The following DNAH14 variants were observed in gnomAD, a reference collection of about 807,000 sequenced individuals.
The protein encoded by DNAH14 is dynein axonemal heavy chain 14.
A neutral mutation model predicts 520.9 loss-of-function variants in DNAH14; 478 were observed. The observed-to-expected ratio is 0.92, with a 90% confidence interval of 0.85 to 0.99. The LOEUF (loss-of-function observed/expected upper bound fraction) is 0.99. Ranked by LOEUF, DNAH14 falls within the 50% of genes least tolerant of loss-of-function variation. The pLI is 0.00. For missense variants in DNAH14, 4,831 were observed against 5,234.5 expected, an observed-to-expected ratio of 0.92 and a Z score of 2.38; for synonymous variants, 1,581 against 1,757.2, an observed-to-expected ratio of 0.90 and a Z score of 2.51.
At chr1:225,198,007 A>G (rs2086370422) in intron 38 of DNAH14, among the ~76,000 whole-genome samples, 1 of 151,976 alleles carries the variant, frequency 6.6e-6, no homozygotes, top group Admixed American at 6.6e-5. Context: ...CTTCCTCTTT[A>G]TTGATTTGGA....
chr1:224,933,377 G>T (rs947843250), intron 1 of DNAH14, among the ~76,000 whole-genome samples: 3 of 152,006 alleles, frequency 2.0e-5, no homozygotes, highest in African/African-American at 7.2e-5. Flanking sequence ...AACAGAGAGG[G>T]ACCATTTGAT....
chr1:225,250,757 TA>T, intron 43 of DNAH14: 1 of 483,858 alleles, frequency 2.1e-6, no homozygotes, highest in Non-Finnish European at 3.8e-6. Flanking sequence ...CAAAGCAGTG[TA>T]AATGGGCTTG....
At chr1:225,297,452 C>T (rs1481924709) in intron 55 of DNAH14, among the ~76,000 whole-genome samples, 1 of 151,462 alleles carries the variant, frequency 6.6e-6, no homozygotes, top group East Asian at 1.9e-4. Flanking sequence ...TTGATGTGTC[C>T]CTTCATTGAT....
At chr1:225,052,432 C>G (rs560013568) in intron 17 of DNAH14, among the ~76,000 whole-genome samples, 1 of 152,244 alleles carries the variant, frequency 6.6e-6, no homozygotes, top group African/African-American at 2.4e-5. Flanking sequence ...ACACAAGCAC[C>G]CTCAGTTGTA....
chr1:225,061,241 T>C (rs909151453), intron 17 of DNAH14, among the ~76,000 whole-genome samples: 2 of 152,196 alleles, frequency 1.3e-5, no homozygotes, highest in Admixed American at 6.5e-5. Flanking sequence ...GCCTCACTGC[T>C]GCCTTGCAGT....
Position 225,367,860 on chromosome 1 carries a change from G to T in DNAH14, c.12146G>T (p.Cys4049Phe). ...AGTAACTTACTTCAGACATTTGGAT[G>T]TACTGGGAGTGGAGAGGTAACAGAA... ...LKSNLLQTFG[C>F]TGSGEVTEEI... The change falls in exon 77 of 86, where the codon TGT (cysteine) becomes TTT (phenylalanine). Residue 4049 changes from cysteine (C) to phenylalanine (F), a missense_variant. Transcript: ENST00000682510. 1 of 1,551,574 alleles carries T rather than the reference G, an allele frequency of 6.4e-7. No individual in the cohort carries two copies. The highest frequency in any genetic ancestry group is 2.0e-5 in the Admixed American group (1 of 51,006).
At chr1:225,242,861 G>A (rs371036712) in intron 43 of DNAH14, among the ~76,000 whole-genome samples, 7 of 152,206 alleles carry the variant, frequency 4.6e-5, no homozygotes, top group African/African-American at 1.4e-4. Context: ...ACGATGTTAC[G>A]ATGACTATGA....
chr1:225,348,209 G>A (rs2095315077), intron 71 of DNAH14, among the ~76,000 whole-genome samples: 2 of 151,920 alleles, frequency 1.3e-5, no homozygotes, highest in South Asian at 4.2e-4. Context: ...AAAAAGCAAA[G>A]AGATCCTAAG....
intron 30 of DNAH14, 40 bp from the exon 31 acceptor site, chr1:225,147,064 A>T (rs1367951790): frequency 1.4e-6 from 2 of 1,433,258 alleles, no homozygotes; most frequent in Non-Finnish European, 9.4e-7. Flanking sequence ...TCTCACCATT[A>T]TAATAATTTT....
intron 60 of DNAH14, among the ~76,000 whole-genome samples, chr1:225,315,903 A>T (rs1166751575): frequency 6.6e-6 from 1 of 152,206 alleles, no homozygotes. Context: ...AGGCATGCAG[A>T]TCAGGGACCC....
At chr1:225,381,269 A>AATTACCTT in intron 80 of DNAH14, 114 bp from the exon 81 acceptor site, 1 of 1,047,400 alleles carries the variant, frequency 9.5e-7, no homozygotes, top group East Asian at 2.6e-5. Context: ...AATGTTTATC[A>AATTACCTT]ACCCCTGGTC....
At chr1:225,393,475 T>C (rs141427732) in intron 84 of DNAH14, among the ~76,000 whole-genome samples, 6 of 152,210 alleles carry the variant, frequency 3.9e-5, no homozygotes, top group Admixed American at 1.3e-4. Context: ...CCCAAACACA[T>C]CTATACATAG....
intron 3 of DNAH14, among the ~76,000 whole-genome samples, chr1:224,955,953 A>C (rs2060483956): frequency 6.6e-6 from 1 of 152,054 alleles, no homozygotes; most frequent in African/African-American, 2.4e-5. Flanking sequence ...TACCTCCTTC[A>C]TTCTACCGAT....
At chr1:225,343,110 G>A (rs2095226456) in intron 69 of DNAH14, among the ~76,000 whole-genome samples, 1 of 152,198 alleles carries the variant, frequency 6.6e-6, no homozygotes, top group Admixed American at 6.5e-5. Context: ...GGTCCCCACT[G>A]TTAGACATTT....
At chr1:225,393,659 T>G (rs2150874488) in intron 84 of DNAH14, among the ~76,000 whole-genome samples, 1 of 152,332 alleles carries the variant, frequency 6.6e-6, no homozygotes, top group East Asian at 1.9e-4. Flanking sequence ...TTAGTTTTGG[T>G]GTAGATACTG....
chr1:225,012,878 T>G (rs1284891539), intron 10 of DNAH14, among the ~76,000 whole-genome samples: 1 of 152,180 alleles, frequency 6.6e-6, no homozygotes, highest in African/African-American at 2.4e-5. Context: ...TTTATCAAGG[T>G]TCTTACCTTC....
chr1:225,156,709 CTTTTTTTTTTTTT>C (rs71170061), intron 34 of DNAH14, among the ~76,000 whole-genome samples: 1 of 68,164 alleles, frequency 1.5e-5, no homozygotes, highest in African/African-American at 7.5e-5. Context: ...TCTTAAAATT[CTTTTTTTTTTTTT>C]TTTTTTTTTT....
intron 10 of DNAH14, among the ~76,000 whole-genome samples, chr1:225,020,422 G>C (rs1439983997): frequency 6.8e-6 from 1 of 147,620 alleles, no homozygotes; most frequent in East Asian, 2.1e-4. Flanking sequence ...ACTTGAATCT[G>C]GGAGGCGGAG....
chr1:225,212,212 A>T (rs1422031736), intron 41 of DNAH14, among the ~76,000 whole-genome samples: 1 of 151,802 alleles, frequency 6.6e-6, no homozygotes, highest in Admixed American at 6.6e-5. Flanking sequence ...AGCTTCATCC[A>T]TGTCCCTACA....
Sources: gnomAD v4.1 joint callset for allele counts (sites outside exome capture counted in the v4.1 genomes callset) on GRCh38, gnomAD v4.1.1 for gene constraint, MANE v1.5 for transcripts, NCBI Gene and HGNC (gene_info 2026-07-23, HGNC 2026-07-21) for gene names.